Variants in HERC4 observed in about 807,000 individuals in gnomAD.
HERC4 encodes probable E3 ubiquitin-protein ligase HERC4.
HERC4 carries 28 observed loss-of-function variants against 124.3 expected under a neutral mutation model. That is an observed-to-expected ratio of 0.23 (90% CI 0.17 to 0.31). HERC4 has a LOEUF of 0.31. Among genes scored for constraint, HERC4 ranks in the 10% least tolerant of loss-of-function variants. HERC4 has a pLI of 1.00. For synonymous variants in HERC4, 407 were observed against 421.5 expected, an observed-to-expected ratio of 0.97 and a Z score of 0.42; for missense variants, 713 against 1,229.3, an observed-to-expected ratio of 0.58 and a Z score of 6.28.
chr10:67,948,063 T>C (rs1282455986), intron 19 of HERC4, among the ~76,000 whole-genome samples: 2 of 128,688 alleles, frequency 1.6e-5, no homozygotes, highest in Non-Finnish European at 3.4e-5. Context: ...CTTAAGAGAC[T>C]AATGAAAACA....
At chr10:68,032,603 T>C (rs1447531229) in intron 7 of HERC4, among the ~76,000 whole-genome samples, 175 bp downstream of exon 7, 1 of 152,140 alleles carries the variant, frequency 6.6e-6, no homozygotes, top group African/African-American at 2.4e-5. Flanking sequence ...TAAAACAACA[T>C]TGAAAAATAA....
chr10:68,007,089 C>T (rs1038764742), intron 9 of HERC4, among the ~76,000 whole-genome samples: 1 of 152,194 alleles, frequency 6.6e-6, no homozygotes, highest in African/African-American at 2.4e-5. Context: ...TCTACCTCCT[C>T]TTTAAGGCCA....
intron 3 of HERC4, among the ~76,000 whole-genome samples, chr10:68,071,336 G>C (rs2041564334): frequency 6.6e-6 from 1 of 152,204 alleles, no homozygotes; most frequent in African/African-American, 2.4e-5. Flanking sequence ...AGTACACAGT[G>C]TCTACCTCTA....
chr10:68,030,810 GA>G (rs34813698), intron 7 of HERC4, among the ~76,000 whole-genome samples: 1 of 152,040 alleles, frequency 6.6e-6, no homozygotes, highest in African/African-American at 2.4e-5. Context: ...AAATAAACTT[GA>G]AAAAAATGTG....
chr10:68,010,393 C>A, intron 9 of HERC4: 1 of 998,134 alleles, frequency 1.0e-6, no homozygotes, highest in Non-Finnish European at 1.5e-6. Context: ...GGAGACCCAG[C>A]AGCCTCAAAA....
At chr10:68,069,617 CTTAA>C in intron 3 of HERC4, 1 of 985,320 alleles carries the variant, frequency 1.0e-6, no homozygotes. Context: ...ATAATTTATC[CTTAA>C]TAAGGCTACC....
intron 3 of HERC4, among the ~76,000 whole-genome samples, chr10:68,057,460 C>T (rs536071229): frequency 1.5e-4 from 23 of 151,846 alleles, no homozygotes; most frequent in African/African-American, 4.6e-4. Flanking sequence ...CCTGTCTCTG[C>T]TAAAAATACA....
chr10:68,073,547 A>G (rs926091077), intron 2 of HERC4, 110 bp downstream of exon 2: 3 of 161,114 alleles, frequency 1.9e-5, no homozygotes, highest in African/African-American at 7.2e-5. Context: ...GGAACAAGAA[A>G]TAAGACATCT....
At chr10:68,009,786 C>A (rs1229652265) in intron 9 of HERC4, among the ~76,000 whole-genome samples, 2 of 152,210 alleles carry the variant, frequency 1.3e-5, no homozygotes, top group African/African-American at 2.4e-5. Flanking sequence ...ACCCCTGCTG[C>A]TGCTCTGTCA....
At chr10:68,064,576 AAG>A (rs1554831829) in intron 3 of HERC4, among the ~76,000 whole-genome samples, 27 of 150,582 alleles carry the variant, frequency 1.8e-4, no homozygotes, top group African/African-American at 5.1e-4. Context: ...AAAAAAAAAA[AAG>A]AGAGAGAGAG....
rs1352226176 is a variant in HERC4, at chr10:67,988,854, C to T, written c.1634-19G>A. On this transcript the variant is annotated intron_variant, in intron 14 of 24. Transcript: ENST00000373700. Reference sequence around the variant, plus strand: ...CAGTTTTCTGTTATTAAAAAGTGAACATGCAAATAAAATGAATTTTTTAAA... The same window carrying T: ...CAGTTTTCTGTTATTAAAAAGTGAATATGCAAATAAAATGAATTTTTTAAA... 2 of 1,556,820 alleles carry T rather than the reference C, an allele frequency of 1.3e-6. No homozygotes were observed. Among genetic ancestry groups the T allele is most frequent in the African/African-American group, 2.8e-5 (2 of 71,906 alleles).
chr10:68,016,660 G>A (rs2038289493), intron 8 of HERC4, among the ~76,000 whole-genome samples: 1 of 152,084 alleles, frequency 6.6e-6, no homozygotes, highest in Non-Finnish European at 1.5e-5. Flanking sequence ...CCAATAAGAT[G>A]TCTTATAGTA....
chr10:67,944,899 C>T (rs2033205606), intron 19 of HERC4, among the ~76,000 whole-genome samples: 1 of 152,062 alleles, frequency 6.6e-6, no homozygotes, highest in Non-Finnish European at 1.5e-5. Flanking sequence ...TCAAAGTACA[C>T]AATCAGAGGA....
At chr10:67,930,808 T>C (rs2031715561) in intron 23 of HERC4, among the ~76,000 whole-genome samples, 1 of 152,168 alleles carries the variant, frequency 6.6e-6, no homozygotes, top group Non-Finnish European at 1.5e-5. Flanking sequence ...GCCTCCCAAG[T>C]AGCTGGTATT....
chr10:68,040,760 G>T (rs1242450401), intron 4 of HERC4, among the ~76,000 whole-genome samples: 1 of 151,906 alleles, frequency 6.6e-6, no homozygotes, highest in South Asian at 2.1e-4. Context: ...ATGGTGACAG[G>T]CGCCTGTAGT....
chr10:67,997,989 C>T (rs1361318942), intron 9 of HERC4, among the ~76,000 whole-genome samples: 1 of 152,050 alleles, frequency 6.6e-6, no homozygotes, highest in Non-Finnish European at 1.5e-5. Context: ...GCAACCGCCT[C>T]CCGGGTTCAA....
chr10:68,022,557 A>G (rs867895191), intron 8 of HERC4, among the ~76,000 whole-genome samples: 1 of 151,538 alleles, frequency 6.6e-6, no homozygotes, highest in Admixed American at 6.6e-5. Context: ...CAAATAGATC[A>G]AAGACCTAAA....
rs749830827 is a variant in HERC4, at chr10:67,992,290, T to G, written c.1180A>C (p.Asn394His). The stretch of plus-strand genomic sequence containing the variant: ...ACTGTCCAGATCTGCTTTGTCGGAT[T>G]GGGACATCTGAAGTCATCTGGTGGC... ...CGPPDDFRCP[N>H]PTKQIWTVNE... Residue 394 changes from asparagine to histidine, a missense_variant, in exon 11 of 25, where the codon AAT (asparagine) becomes CAT (histidine). Transcript: ENST00000373700. 1.2e-6 allele frequency: 2 copies of G among 1,613,946 alleles called. No homozygotes were observed. The highest frequency in any genetic ancestry group is 1.1e-5 in the South Asian group (1 of 91,084).
At chr10:67,991,279 GAAT>G (rs1263653864) in intron 11 of HERC4, 80 bp from the exon 12 acceptor site, 1 of 775,852 alleles carries the variant, frequency 1.3e-6, no homozygotes. Context: ...GAATTAAAAT[GAAT>G]AATTAATCTA....
Sources: allele counts gnomAD v4.1 joint callset (sites outside exome capture counted in the v4.1 genomes callset), GRCh38; gene constraint gnomAD v4.1.1; transcripts MANE v1.5; gene names NCBI Gene and HGNC (gene_info 2026-07-23, HGNC 2026-07-21).